The following SLC5A11 variants were observed in gnomAD, a reference collection of about 807,000 sequenced individuals.
SLC5A11 encodes solute carrier family 5 member 11.
SLC5A11 carries 48 observed loss-of-function variants against 69.8 expected under a neutral mutation model. The ratio of observed to expected loss-of-function variants is 0.69; its 90% confidence interval spans 0.55 to 0.87. The LOEUF (loss-of-function observed/expected upper bound fraction) is 0.87. Ranked by LOEUF, SLC5A11 falls within the 40% of genes least tolerant of loss-of-function variation. SLC5A11 has a pLI of 0.00. For synonymous variants in SLC5A11, 319 were observed against 342.4 expected (o/e 0.93, Z 0.75); for missense variants, 784 against 866.1 (o/e 0.91, Z 1.19).
chr16:24,860,244 G>A (rs1437930021), intron 2 of SLC5A11, among the ~76,000 whole-genome samples: 1 of 152,094 alleles, frequency 6.6e-6, no homozygotes, highest in Non-Finnish European at 1.5e-5. Context: ...CCGAGATCGT[G>A]CCACTGCACT....
rs531703072 is a variant in SLC5A11 at position 24,851,206 on chromosome 16, A to G, written c.-25+4768A>G. Reference sequence around the variant, plus strand: ...AATGCAGTGGTGCAATCATAGCTCAATGCAGTCTCAAACTCCTGGGCTTGG... The same window carrying G: ...AATGCAGTGGTGCAATCATAGCTCAGTGCAGTCTCAAACTCCTGGGCTTGG... On this transcript the variant is annotated intron_variant, in intron 1 of 15. Transcript: ENST00000347898. 2.6e-5 allele frequency among the ~76,000 whole-genome samples: 4 copies of G among 151,906 alleles called. No individual in the cohort carries two copies. The South Asian group carries it at 6.3e-4, about 24-fold the overall frequency.
chr16:24,873,427 T>C (rs1236239598), intron 5 of SLC5A11, among the ~76,000 whole-genome samples: 1 of 151,980 alleles, frequency 6.6e-6, no homozygotes, highest in Non-Finnish European at 1.5e-5. Flanking sequence ...AGCCAGGAGT[T>C]TGAGACCAGC....
In SLC5A11 at chr16:24,898,112, G is replaced by A. The variant is rs371661797; in HGVS notation, c.1006+3G>A. 15 of 1,613,618 alleles carry A rather than the reference G, an allele frequency of 9.3e-6. No homozygotes were observed. The highest frequency in any genetic ancestry group is 1.1e-5 in the Non-Finnish European group (13 of 1,179,954). On this transcript the variant is annotated splice_donor_region_variant and intron_variant, in intron 10 of 15. Coordinates refer to ENST00000347898, the Ensembl canonical transcript of SLC5A11. ...GGTCAGCCGCATCCTCTTCCCAGGTGAGAACACAGCTGGGGGAAGAGGTCA... is the reference window on the plus strand; with the variant it reads ...GGTCAGCCGCATCCTCTTCCCAGGTAAGAACACAGCTGGGGGAAGAGGTCA...
chr16:24,849,593 A>ATAT (rs61292571), intron 1 of SLC5A11, among the ~76,000 whole-genome samples: 53 of 35,874 alleles, frequency 1.5e-3, no homozygotes, highest in East Asian at 7.8e-3. Context: ...AAAAAAAAAA[A>ATAT]ATATATATAT....
At chr16:24,872,200 C>T in exon 5 of SLC5A11, 1 of 1,614,120 alleles carries the variant, frequency 6.2e-7, no homozygotes, top group South Asian at 1.1e-5. Flanking sequence ...ATCTTCCTAC[C>T]CATCTACATT....
rs11286846 is a variant in SLC5A11, at chr16:24,891,310, C to CTTTTTTT, written c.870+250_870+256dup. On this transcript the variant is annotated intron_variant, in intron 9 of 15. Coordinates refer to ENST00000347898, the Ensembl canonical transcript of SLC5A11. ...AAGGGGAAAACTCAACACACTCTGC[C>CTTTTTTT]TTTTTTTTTTTTTTTTTTTTCTGAG... 2.0e-5 allele frequency among the ~76,000 whole-genome samples: 2 copies of CTTTTTTT among 102,174 alleles called. 1 individual carries two copies. The highest frequency in any genetic ancestry group is 3.9e-5 in the Non-Finnish European group (2 of 51,238). 67.0% of individuals were successfully genotyped at this position (102,174 alleles called of 152,430 possible).
intron 11 of SLC5A11, 120 bp from the exon 13 acceptor site, chr16:24,906,905 C>A: frequency 6.9e-7 from 1 of 1,454,326 alleles, no homozygotes; most frequent in South Asian, 1.3e-5. Flanking sequence ...AAGGCTACGT[C>A]CTGCAGGAAG....
At chr16:24,882,432 A>G in intron 7 of SLC5A11, among the ~76,000 whole-genome samples, 1 of 152,132 alleles carries the variant, frequency 6.6e-6, no homozygotes, top group East Asian at 1.9e-4. Flanking sequence ...CCTGCTGGGA[A>G]GGAAGGAGGG....
intron 1 of SLC5A11, 62 bp from the exon 3 acceptor site, chr16:24,858,558 C>T: frequency 6.7e-7 from 1 of 1,482,876 alleles, no homozygotes; most frequent in Non-Finnish European, 9.1e-7. Flanking sequence ...GAGGTAGCTA[C>T]AGAAAGGGTG....
At chr16:24,879,782 C>T (rs543749733) in intron 7 of SLC5A11, among the ~76,000 whole-genome samples, 10 of 152,136 alleles carry the variant, frequency 6.6e-5, no homozygotes, top group Non-Finnish European at 1.5e-4. Context: ...GAGTGGTTTT[C>T]TGTTCCTGCA....
intron 9 of SLC5A11, among the ~76,000 whole-genome samples, chr16:24,895,549 G>C (rs2049099577): frequency 6.8e-6 from 1 of 146,818 alleles, no homozygotes; most frequent in Non-Finnish European, 1.5e-5. Flanking sequence ...AAAGAAGAAA[G>C]GAGAGGACAG....
At chr16:24,850,501 C>T (rs540409117) in intron 1 of SLC5A11, among the ~76,000 whole-genome samples, 2 of 152,338 alleles carry the variant, frequency 1.3e-5, no homozygotes, top group Admixed American at 1.3e-4. Flanking sequence ...GCCACTGCAG[C>T]CCAGGAGTGG....
At chr16:24,896,812 T>C (rs1567672681) in intron 9 of SLC5A11, among the ~76,000 whole-genome samples, 1 of 152,152 alleles carries the variant, frequency 6.6e-6, no homozygotes, top group Non-Finnish European at 1.5e-5. Context: ...TTCCTGGTTT[T>C]CTTTCCTCTG....
At chr16:24,851,993 CT>C (rs879930369) in intron 1 of SLC5A11, among the ~76,000 whole-genome samples, 1,804 of 148,974 alleles carry the variant, frequency 0.012, 20 homozygotes, top group African/African-American at 0.035. Context: ...CTCTCTCTCT[CT>C]CCCACTCTAT....
chr16:24,860,426 A>G (rs1664786571), intron 2 of SLC5A11, among the ~76,000 whole-genome samples: 1 of 152,214 alleles, frequency 6.6e-6, no homozygotes, highest in South Asian at 2.1e-4. Context: ...ATTGCGCTCC[A>G]GCTTGAGCAA....
chr16:24,897,461 G>A (rs941030810), intron 9 of SLC5A11, among the ~76,000 whole-genome samples: 1 of 152,134 alleles, frequency 6.6e-6, no homozygotes, highest in African/African-American at 2.4e-5. Flanking sequence ...CAGGGACTGA[G>A]CATAGGAAAG....
chr16:24,877,714 G>A (rs1452134033), intron 7 of SLC5A11, among the ~76,000 whole-genome samples: 1 of 151,962 alleles, frequency 6.6e-6, no homozygotes, highest in South Asian at 2.1e-4. Flanking sequence ...GGCCAGGCAC[G>A]GTGGCTTACG....
At chr16:24,879,962 C>G (rs536325759) in intron 7 of SLC5A11, among the ~76,000 whole-genome samples, 2 of 152,004 alleles carry the variant, frequency 1.3e-5, no homozygotes, top group Non-Finnish European at 2.9e-5. Context: ...TGCTATTGTG[C>G]GTAGTATTGT....
At chr16:24,883,992 C>T in intron 7 of SLC5A11, 59 bp from the exon 9 acceptor site, 6 of 1,526,792 alleles carry the variant, frequency 3.9e-6, no homozygotes, top group Non-Finnish European at 5.4e-6. Flanking sequence ...CCTTGGTGAC[C>T]CAGAGTAACC....
Sources: allele counts gnomAD v4.1 joint callset (sites outside exome capture counted in the v4.1 genomes callset), GRCh38; gene constraint gnomAD v4.1.1; transcripts MANE v1.5; gene names NCBI Gene and HGNC (gene_info 2026-07-23, HGNC 2026-07-21).